SRPK2: variants seen among roughly 807,000 people sequenced by gnomAD.
SRPK2 encodes SFRS protein kinase 2.
A neutral mutation model predicts 90.8 loss-of-function variants in SRPK2; 21 were observed. The observed-to-expected ratio is 0.23, with a 90% CI of 0.16 to 0.33. The LOEUF (loss-of-function observed/expected upper bound fraction) is 0.33. SRPK2 is among the 10% of genes least tolerant of loss of function. The probability of loss-of-function intolerance (pLI) is 1.00; values close to 1 mark genes in which losing one functional copy is unlikely to be tolerated. For missense variants in SRPK2, 620 were observed against 869.0 expected (o/e 0.71, Z 3.60); for synonymous variants, 288 against 311.1 (o/e 0.93, Z 0.78).
chr7:105,203,892 C>A (rs1408744390), intron 2 of SRPK2, 107 bp from the exon 3 acceptor site: 3 of 1,325,018 alleles, frequency 2.3e-6, no homozygotes, highest in African/African-American at 1.5e-5. Flanking sequence ...TTGTCACATA[C>A]TAAGAAGAAA....
At chr7:105,395,173 AAAAAC>A (rs892515408) in intron 1 of SRPK2, among the ~76,000 whole-genome samples, 1 of 152,102 alleles carries the variant, frequency 6.6e-6, no homozygotes, top group African/African-American at 2.4e-5. Context: ...ACTCCATCTC[AAAAAC>A]AAAACAAAAC....
At chr7:105,389,249 C>A, upstream of SRPK2, 1 of 1,255,440 alleles carries the variant, frequency 8.0e-7, no homozygotes, top group Non-Finnish European at 1.0e-6. Context: ...CGCACCCCGG[C>A]CGGTCGCGCC....
chr7:105,245,303 G>C (rs914531490), intron 2 of SRPK2, among the ~76,000 whole-genome samples: 12 of 152,226 alleles, frequency 7.9e-5, no homozygotes, highest in African/African-American at 2.6e-4. Context: ...GGATGGTAAG[G>C]GCAGCGTGCA....
In SRPK2 at chr7:105,340,399, C is replaced by CTT. The variant is rs781142110; in HGVS notation, c.71+48247_71+48248dup. On this transcript the variant is annotated intron_variant, in intron 2 of 15. Transcript: ENST00000393651. ...AATATACAACATTTTCTTTTCTCTC[C>CTT]TTTTTTTTTTTTTTTTTTTTGAGAC... Among the ~76,000 whole-genome samples, 97 of 128,290 alleles carry CTT rather than the reference C, an allele frequency of 7.6e-4. 1 individual carries two copies. Among genetic ancestry groups the CTT allele is most frequent in the South Asian group, 9.7e-4 (4 of 4,122 alleles). 84.2% of individuals were successfully genotyped at this position (128,290 alleles called of 152,430 possible).
At chr7:105,388,568 GA>G in intron 2 of SRPK2, 79 bp downstream of exon 2, 2 of 1,355,476 alleles carry the variant, frequency 1.5e-6, no homozygotes, top group South Asian at 2.7e-5. Flanking sequence ...CGGGGACCCG[GA>G]CAACTTTCCC....
At chr7:105,283,688 G>A (rs555745168) in intron 2 of SRPK2, among the ~76,000 whole-genome samples, 1 of 152,188 alleles carries the variant, frequency 6.6e-6, no homozygotes, top group South Asian at 2.1e-4. Context: ...TTATGTAATA[G>A]TGGTAGTTTC....
At chr7:105,141,424 A>G (rs1202741132) in intron 11 of SRPK2, among the ~76,000 whole-genome samples, 1 of 152,208 alleles carries the variant, frequency 6.6e-6, no homozygotes, top group Admixed American at 6.5e-5. Context: ...AAGGCTTTGA[A>G]TAAGTCAAGC....
At chr7:105,296,267 A>G (rs1198356269) in intron 2 of SRPK2, among the ~76,000 whole-genome samples, 2 of 152,244 alleles carry the variant, frequency 1.3e-5, no homozygotes, top group African/African-American at 4.8e-5. Flanking sequence ...AATATCATAC[A>G]CAGAGAAGCA....
chr7:105,347,552 G>T (rs1252891310), intron 2 of SRPK2, among the ~76,000 whole-genome samples: 2 of 152,036 alleles, frequency 1.3e-5, no homozygotes, highest in Non-Finnish European at 2.9e-5. Context: ...AGGGGGAGGG[G>T]GAGGAGGAGG....
Position 105,116,911 on chromosome 7 carries a change from A to T in SRPK2, c.*927T>A, listed in dbSNP as rs1459805730. 1 of 152,168 alleles carries T rather than the reference A, an allele frequency of 6.6e-6. No individual in the cohort carries two copies. The highest frequency in any genetic ancestry group is 6.5e-5 in the Admixed American group (1 of 15,280). The allele number at this position is 152,168 out of a possible 1,614,324, so 9.4% of individuals were successfully genotyped here. On this transcript the variant is annotated 3_prime_UTR_variant, in exon 16 of 16. Transcript: ENST00000393651. ...AGCATGATCATGCTTTTCCAAAAAT[A>T]TATGTATTTTTTCATTCCACACAAT... is the stretch of plus-strand genomic sequence containing the variant.
At chr7:105,198,436 T>TCC (rs1795173763) in intron 3 of SRPK2, among the ~76,000 whole-genome samples, 1 of 152,110 alleles carries the variant, frequency 6.6e-6, no homozygotes, top group South Asian at 2.1e-4. Flanking sequence ...ATCTTGGTAA[T>TCC]CCCCAGGGCT....
At chr7:105,233,691 A>G (rs1418225168) in intron 2 of SRPK2, among the ~76,000 whole-genome samples, 3 of 152,100 alleles carry the variant, frequency 2.0e-5, no homozygotes, top group African/African-American at 2.4e-5. Flanking sequence ...CGTCTCTACT[A>G]AAAATGCAAA....
At chr7:105,272,764 C>T (rs903515475) in intron 2 of SRPK2, among the ~76,000 whole-genome samples, 6 of 152,138 alleles carry the variant, frequency 3.9e-5, no homozygotes, top group African/African-American at 1.4e-4. Flanking sequence ...TAGACAGTCT[C>T]TGCATGGCTT....
intron 2 of SRPK2, among the ~76,000 whole-genome samples, chr7:105,286,923 G>T (rs910654485): frequency 2.0e-5 from 3 of 152,122 alleles, no homozygotes; most frequent in African/African-American, 7.2e-5. Flanking sequence ...GAATAGCCGT[G>T]CAACTGTCAG....
At chr7:105,353,610 C>A (rs928015105) in intron 2 of SRPK2, among the ~76,000 whole-genome samples, 1 of 152,060 alleles carries the variant, frequency 6.6e-6, no homozygotes, top group Admixed American at 6.6e-5. Flanking sequence ...AAATGATCCG[C>A]CTTCTTTGGC....
intron 2 of SRPK2, among the ~76,000 whole-genome samples, chr7:105,332,504 C>G (rs1814545121): frequency 6.6e-6 from 1 of 152,144 alleles, no homozygotes; most frequent in Admixed American, 6.6e-5. Context: ...TGTCTCATGC[C>G]TGTAATCTCA....
intron 2 of SRPK2, among the ~76,000 whole-genome samples, chr7:105,313,391 G>A (rs1055493547): frequency 2.1e-4 from 31 of 147,748 alleles, no homozygotes; most frequent in Middle Eastern, 3.6e-3. Context: ...AGGTTGCAGT[G>A]AGCCAAGATC....
At chr7:105,395,707 G>C (rs1046192362) in intron 1 of SRPK2, among the ~76,000 whole-genome samples, 32 of 152,080 alleles carry the variant, frequency 2.1e-4, no homozygotes, top group African/African-American at 7.7e-4. Flanking sequence ...ATTCCAGCTT[G>C]GGCAACAGAG....
chr7:105,157,074 G>A lies in SRPK2; in HGVS notation c.621+3433C>T, dbSNP rs184317958. 1.1e-4 allele frequency among the ~76,000 whole-genome samples: 16 copies of A among 152,268 alleles called. No homozygotes were observed. The East Asian group carries it at 1.5e-3, about 15-fold the overall frequency. ...AGGAGAATAAACTGGAAAAGGGACC[G>A]GGAATTGGATGGGCTGTATGCACAG... is the stretch of plus-strand genomic sequence containing the variant. On this transcript the variant is annotated intron_variant, in intron 7 of 15. Transcript: ENST00000393651.
Sources: allele counts gnomAD v4.1 joint callset (sites outside exome capture counted in the v4.1 genomes callset), GRCh38; gene constraint gnomAD v4.1.1; transcripts MANE v1.5; gene names NCBI Gene and HGNC (gene_info 2026-07-23, HGNC 2026-07-21).